The following CLSTN3 variants were observed in gnomAD, a reference collection of about 807,000 sequenced individuals.
The protein encoded by CLSTN3 is calsyntenin 3.
In CLSTN3, 36 loss-of-function variants were observed where a neutral mutation model predicts 95.9. That is an observed-to-expected ratio of 0.38 (90% confidence interval 0.29 to 0.50). The LOEUF is 0.50. Among genes scored for constraint, CLSTN3 ranks in the 20% least tolerant of loss-of-function variants. The pLI, the probability that CLSTN3 is intolerant of heterozygous loss-of-function variation, is 0.95. For synonymous variants in CLSTN3, 481 were observed against 504.0 expected (o/e 0.95, Z 0.61); for missense variants, 1,084 against 1,268.8 (o/e 0.85, Z 2.21).
rs757590929 is a variant in CLSTN3, at chr12:7,133,802, G to T, written c.383+34G>T. ...GTCCTTGTCTCCTGCCCCATGTGTT[G>T]CAGGGTCCTCCTCCCTGCTCCCAAG... On this transcript the variant is annotated intron_variant, in intron 3 of 17. Coordinates refer to ENST00000266546, the MANE Select transcript of CLSTN3 (RefSeq NM_014718.4). The surrounding 1 kb of genome is among the most constrained non-coding windows in gnomAD (Gnocchi z 4.7). The T allele has an allele frequency of 3.1e-5, 47 of 1,515,126 alleles. 1 individual carries two copies. The highest frequency in any genetic ancestry group is 3.8e-5 in the Non-Finnish European group (43 of 1,127,794). The allele number at this position is 1,515,126 out of a possible 1,614,324, so 93.9% of individuals were successfully genotyped here. A position where few individuals can be genotyped will look rare whatever the true frequency, so the allele number is the denominator to read the frequency against.
At chr12:7,153,105 A>T (rs1565654522) in intron 16 of CLSTN3, among the ~76,000 whole-genome samples, 1 of 151,608 alleles carries the variant, frequency 6.6e-6, no homozygotes, top group Non-Finnish European at 1.5e-5. Context: ...ATTTTATTTT[A>T]TTTTTCTGGG....
intron 1 of CLSTN3, chr12:7,131,849 C>G: frequency 4.4e-6 from 2 of 456,456 alleles, no homozygotes; most frequent in South Asian, 1.5e-5. Context: ...GTAAGAAAGC[C>G]TTCCCATGCC....
At chr12:7,147,703 C>G (rs369410267) in intron 12 of CLSTN3, among the ~76,000 whole-genome samples, 1 of 151,484 alleles carries the variant, frequency 6.6e-6, no homozygotes, top group African/African-American at 2.4e-5. Flanking sequence ...TTTGTAGAGA[C>G]GGGGTTTCAC....
intron 12 of CLSTN3, among the ~76,000 whole-genome samples, chr12:7,147,516 T>TTC (rs1390374059): frequency 1.1e-3 from 2 of 1,864 alleles, no homozygotes; most frequent in African/African-American, 6.7e-3. Context: ...TTTTCTTTTC[T>TTC]TCTTTTTTTT....
Position 7,150,790 on chromosome 12 carries a change from C to T in CLSTN3, c.2391+101C>T, listed in dbSNP as rs1414100495. 11 of 1,561,690 alleles carry T rather than the reference C, an allele frequency of 7.0e-6. No homozygotes were observed. Among genetic ancestry groups the T allele is most frequent in the East Asian group, 2.3e-5 (1 of 44,164 alleles). On this transcript the variant is annotated intron_variant, in intron 15 of 17. Transcript: ENST00000266546. The surrounding 1 kb of genome is among the most constrained non-coding windows in gnomAD (Gnocchi z 4.0). Reference sequence around the variant, plus strand: ...TAGTTGGTGGGCATGGACATGGCAGCGTGGAGGGCTGCTGGACCTTGCAGT... The same window carrying T: ...TAGTTGGTGGGCATGGACATGGCAGTGTGGAGGGCTGCTGGACCTTGCAGT...
At chr12:7,143,358 G>C in intron 12 of CLSTN3, 47 bp downstream of exon 12, 1 of 1,576,080 alleles carries the variant, frequency 6.3e-7, no homozygotes, top group Non-Finnish European at 8.6e-7. Context: ...GAGCCAGACA[G>C]TGTCACAGCT....
chr12:7,131,787 C>A (rs1235515389), intron 1 of CLSTN3: 2 of 456,534 alleles, frequency 4.4e-6, no homozygotes, highest in Non-Finnish European at 8.8e-6. Flanking sequence ...CTCCTGTGCA[C>A]CATCTTGTGG....
intron 5 of CLSTN3, 71 bp from the exon 6 acceptor site, chr12:7,136,135 G>T: frequency 6.4e-7 from 1 of 1,551,984 alleles, no homozygotes; most frequent in Non-Finnish European, 8.8e-7. Context: ...GACATGGCAA[G>T]AGGAGCATGG....
At chr12:7,140,756 A>C (rs1939510536) in intron 8 of CLSTN3, among the ~76,000 whole-genome samples, 1 of 152,170 alleles carries the variant, frequency 6.6e-6, no homozygotes, top group Non-Finnish European at 1.5e-5. Context: ...AAAATAAAAA[A>C]ATTAGCTGGA....
Position 7,141,819 on chromosome 12 carries a change from G to A in CLSTN3, c.1487-267G>A, listed in dbSNP as rs1939530569. Among the ~76,000 whole-genome samples, 1 of 152,174 alleles carries A rather than the reference G, an allele frequency of 6.6e-6. No individual in the cohort carries two copies. The highest frequency in any genetic ancestry group is 6.5e-5 in the Admixed American group (1 of 15,278). On this transcript the variant is annotated intron_variant, in intron 9 of 17. Coordinates refer to ENST00000266546, the MANE Select transcript of CLSTN3 (RefSeq NM_014718.4). The surrounding 1 kb of genome is among the most constrained non-coding windows in gnomAD (Gnocchi z 4.1). The stretch of plus-strand genomic sequence containing the variant: ...GGAGTGTGTGTGTGCACATGTGCCT[G>A]TCTGTCTTACCAGAGCCCACGTGTT...
rs752805155 is a variant in CLSTN3 at position 7,133,158 on chromosome 12, T to TGG, written c.187+16_187+17dup. ...GCTGCGCTATGCAGGTAATTGGGAT[T>TGG]GGGGGATGGCAAGGCAGGGTAGGAC... On this transcript the variant is annotated intron_variant, in intron 2 of 17. Transcript: ENST00000266546. This position sits in a 1 kb window ranked among gnomAD's most constrained non-coding sequence, Gnocchi z 4.7. 6.0e-6 allele frequency: 9 copies of TGG among 1,509,402 alleles called. No homozygotes were observed. In the South Asian group the frequency reaches 1.0e-4, roughly 17 times the overall value. 93.5% of individuals were successfully genotyped at this position (1,509,402 alleles called of 1,614,324 possible).
intron 12 of CLSTN3, 130 bp downstream of exon 12, chr12:7,143,441 A>T: frequency 1.0e-6 from 1 of 1,000,768 alleles, no homozygotes; most frequent in Non-Finnish European, 1.4e-6. Flanking sequence ...GGGCCCTCAA[A>T]TGGAGACAAT....
chr12:7,147,478 CTTGA>C (rs1939639362), intron 12 of CLSTN3, among the ~76,000 whole-genome samples: 1 of 146,766 alleles, frequency 6.8e-6, no homozygotes, highest in Non-Finnish European at 1.5e-5. Flanking sequence ...TGGTTTAAGC[CTTGA>C]TTGTTTCTTT....
Position 7,137,795 on chromosome 12 carries a change from T to TGTGAGAGAGAGA in CLSTN3, c.1211-159_1211-158insTGAGAGAGAGAG, listed in dbSNP as rs768487238. Among the ~76,000 whole-genome samples, 12 of 70,672 alleles carry TGTGAGAGAGAGA rather than the reference T, an allele frequency of 1.7e-4. No individual in the cohort carries two copies. Among genetic ancestry groups the TGTGAGAGAGAGA allele is most frequent in the African/African-American group, 5.7e-4 (11 of 19,454 alleles). The allele number at this position is 70,672 out of a possible 152,430, so 46.4% of individuals were successfully genotyped here. A position where few individuals can be genotyped will look rare whatever the true frequency, so the allele number is the denominator to read the frequency against. Reference sequence around the variant, plus strand: ...GTGTGTGTGTGTGTGTGTGTGTGTGTGAGAGAGAGAGAGAGAGAGAGAGAG... The same window carrying TGTGAGAGAGAGA: ...GTGTGTGTGTGTGTGTGTGTGTGTGTGTGAGAGAGAGAGAGAGAGAGAGAGAGAGAGAGAGAG... On this transcript the variant is annotated intron_variant, in intron 7 of 17. Coordinates refer to ENST00000266546, the MANE Select transcript of CLSTN3 (RefSeq NM_014718.4). The surrounding 1 kb of genome is among the most constrained non-coding windows in gnomAD (Gnocchi z 4.4).
chr12:7,137,917 C>G lies in CLSTN3; in HGVS notation c.1211-38C>G, dbSNP rs750584681. The G allele has an allele frequency of 2.7e-6, 4 of 1,503,194 alleles. No individual in the cohort carries two copies. The highest frequency in any genetic ancestry group is 3.7e-6 in the Non-Finnish European group (4 of 1,080,522). The allele number at this position is 1,503,194 out of a possible 1,614,324, so 93.1% of individuals were successfully genotyped here. On this transcript the variant is annotated intron_variant, in intron 7 of 17. Coordinates refer to ENST00000266546, the MANE Select transcript of CLSTN3 (RefSeq NM_014718.4). The surrounding 1 kb of genome is among the most constrained non-coding windows in gnomAD (Gnocchi z 4.4). ...TGCTTTGAACTTGTTCTGGCCTCAG[C>G]CTCTGCACTTGACCCCATCCCCTTC... is the stretch of plus-strand genomic sequence containing the variant.
intron 12 of CLSTN3, 47 bp downstream of exon 12, chr12:7,143,358 G>A (rs1007775212): frequency 1.9e-6 from 3 of 1,576,080 alleles, no homozygotes; most frequent in Non-Finnish European, 2.6e-6. Flanking sequence ...GAGCCAGACA[G>A]TGTCACAGCT....
intron 16 of CLSTN3, among the ~76,000 whole-genome samples, chr12:7,155,438 G>A (rs1018068109): frequency 1.3e-5 from 2 of 152,156 alleles, no homozygotes; most frequent in African/African-American, 4.8e-5. Context: ...TGATTAGGGC[G>A]CAAACCAGCT....
rs372621887 is a variant in CLSTN3 at position 7,150,606 on chromosome 12, G to A, written c.2308G>A (p.Gly770Arg). The A allele has an allele frequency of 4.8e-5, 78 of 1,613,922 alleles. No homozygotes were observed. The highest frequency in any genetic ancestry group is 2.0e-4 in the Admixed American group (12 of 60,010). ...LRQARYRLRH[G>R]AALYTRKFRL... ...GCAGGCTCGTTATCGGCTGCGACACGGAGCTGCCCTCTACACCAGGAAGTT... is the reference window on the plus strand; with the variant it reads ...GCAGGCTCGTTATCGGCTGCGACACAGAGCTGCCCTCTACACCAGGAAGTT... Residue 770 changes from glycine (G) to arginine (R), a missense_variant, in exon 15 of 18, where the codon GGA becomes AGA. Gly to Arg is a moderately radical substitution (Grantham distance 125). Coordinates refer to ENST00000266546, the MANE Select transcript of CLSTN3 (RefSeq NM_014718.4). This position sits in a 1 kb window ranked among gnomAD's most constrained non-coding sequence, Gnocchi z 4.0.
Position 7,149,095 on chromosome 12 carries a change from C to G in CLSTN3, c.1971C>G (p.Asp657Glu). The G allele has an allele frequency of 6.2e-7, 1 of 1,614,240 alleles. No homozygotes were observed. The highest frequency in any genetic ancestry group is 1.1e-5 in the South Asian group (1 of 91,084). Residue 657 changes from aspartate (D) to glutamate (E), a missense_variant, in exon 13 of 18, where the codon GAC (aspartate) becomes GAG (glutamate). Coordinates refer to ENST00000266546, the MANE Select transcript of CLSTN3 (RefSeq NM_014718.4). The surrounding 1 kb of genome is among the most constrained non-coding windows in gnomAD (Gnocchi z 4.5). Reference sequence around the variant, plus strand: ...CTCATTTTGCCCGCCCAGCTGTGGACTTTGAGGGAACCAACGGCGTCCCTT... The same window carrying G: ...CTCATTTTGCCCGCCCAGCTGTGGAGTTTGAGGGAACCAACGGCGTCCCTT... ...GTAHFARPAV[D>E]FEGTNGVPLF...
Sources: allele counts gnomAD v4.1 joint callset (sites outside exome capture counted in the v4.1 genomes callset), GRCh38; gene constraint gnomAD v4.1.1; non-coding constraint Gnocchi (gnomAD v3.1); transcripts MANE v1.5; gene names NCBI Gene and HGNC (gene_info 2026-07-23, HGNC 2026-07-21).